BIN1: variants seen among roughly 807,000 people sequenced by gnomAD.
BIN1 encodes the protein myc box-dependent-interacting protein 1.
BIN1 carries 53 observed loss-of-function variants against 82.0 expected under a neutral mutation model. The observed-to-expected ratio is 0.65, with a 90% CI of 0.52 to 0.81. BIN1 has a LOEUF of 0.81. Among genes scored for constraint, BIN1 ranks in the 40% least tolerant of loss-of-function variants. BIN1 has a pLI of 0.00. For missense variants in BIN1, 642 were observed against 784.4 expected (o/e 0.82, Z 2.17); for synonymous variants, 302 against 328.0 (o/e 0.92, Z 0.86).
chr2:127,095,572 A>C (rs568052338), intron 1 of BIN1, among the ~76,000 whole-genome samples: 35 of 152,282 alleles, frequency 2.3e-4, no homozygotes, highest in African/African-American at 7.9e-4. Flanking sequence ...GAAGACAATG[A>C]AGACATCTGC....
intron 2 of BIN1, among the ~76,000 whole-genome samples, chr2:127,073,605 C>T (rs911589768): frequency 3.3e-5 from 5 of 152,164 alleles, no homozygotes; most frequent in African/African-American, 1.2e-4. Context: ...GGGGCAGGGA[C>T]GGCCCTCCTA....
chr2:127,094,064 C>T (rs1443179675), intron 1 of BIN1, among the ~76,000 whole-genome samples: 2 of 152,182 alleles, frequency 1.3e-5, no homozygotes, highest in African/African-American at 4.8e-5. Flanking sequence ...TCAGGGTCCT[C>T]GTGTGTGAAA....
intron 12 of BIN1, chr2:127,055,148 A>C (rs1683480770): frequency 6.6e-6 from 1 of 152,302 alleles, no homozygotes; most frequent in East Asian, 1.9e-4. Context: ...CACACTCTTG[A>C]CAGGCACCGG....
intron 2 of BIN1, among the ~76,000 whole-genome samples, chr2:127,073,060 G>A (rs1426644629): frequency 6.6e-6 from 1 of 152,204 alleles, no homozygotes; most frequent in Non-Finnish European, 1.5e-5. Flanking sequence ...GGGGTGGGTC[G>A]TTGTGCTCCC....
intron 1 of BIN1, among the ~76,000 whole-genome samples, chr2:127,101,735 A>C (rs936355853): frequency 2.0e-5 from 3 of 152,212 alleles, no homozygotes; most frequent in African/African-American, 4.8e-5. Context: ...TTATGGTGGG[A>C]GTAGTCAAGA....
intron 10 of BIN1, chr2:127,060,558 G>C (rs371027869): frequency 4.3e-6 from 7 of 1,613,526 alleles, no homozygotes; most frequent in South Asian, 3.3e-5. Context: ...GCCAGGGCGC[G>C]GGCCTCTGCG....
At position 127,106,925 on chromosome 2, in the gene BIN1, T is replaced by G; in HGVS notation, c.19A>C (p.Lys7Gln). 6.2e-7 allele frequency: 1 copy of G among 1,612,400 alleles called. No individual in the cohort carries two copies. Among genetic ancestry groups the G allele is most frequent in the Non-Finnish European group, 8.5e-7 (1 of 1,179,508 alleles). Reference protein sequence around the residue: MAEMGSKGVTAGKIASN... With the variant: MAEMGSQGVTAGKIASN... ...GCGATCTTTCCCGCCGTCACCCCTTTACTGCCCATCTCTGCCATCGCGGCG... is the reference window on the plus strand; with the variant it reads ...GCGATCTTTCCCGCCGTCACCCCTTGACTGCCCATCTCTGCCATCGCGGCG... The change falls in exon 1 of 19, where the codon AAA (lysine) becomes CAA (glutamine). Residue 7 changes from lysine (K) to glutamine (Q), a missense_variant. Physicochemically the swap from Lys to Gln is moderately conservative, Grantham distance 53. Transcript: ENST00000316724.
At chr2:127,070,966 C>T (rs1048158632) in intron 2 of BIN1, 150 bp from the exon 3 acceptor site, 34 of 750,524 alleles carry the variant, frequency 4.5e-5, no homozygotes, top group Non-Finnish European at 5.9e-5. Context: ...ACAGCAGCTA[C>T]GGTCACCACC....
chr2:127,089,867 G>T (rs1163505961), intron 1 of BIN1, among the ~76,000 whole-genome samples: 1 of 152,090 alleles, frequency 6.6e-6, no homozygotes, highest in East Asian at 1.9e-4. Context: ...TAAAGGTGAA[G>T]TATGATCATG....
intron 11 of BIN1, among the ~76,000 whole-genome samples, chr2:127,058,402 C>T (rs761586329): frequency 3.3e-4 from 50 of 152,150 alleles, no homozygotes; most frequent in Non-Finnish European, 2.1e-4. Flanking sequence ...GCAGGATCCC[C>T]GGCTATGAGA....
chr2:127,086,846 C>T (rs1271188502), intron 1 of BIN1, among the ~76,000 whole-genome samples: 6 of 143,266 alleles, frequency 4.2e-5, no homozygotes, highest in Non-Finnish European at 7.7e-5. Context: ...CCCCAGGAAG[C>T]GCCTGGCCTC....
intron 14 of BIN1, 125 bp downstream of exon 14, chr2:127,053,297 T>C (rs1683200613): frequency 7.3e-7 from 1 of 1,375,950 alleles, no homozygotes; most frequent in Non-Finnish European, 1.0e-6. Context: ...CGTGCCTGTG[T>C]GTCCTGCGTG....
intron 7 of BIN1, among the ~76,000 whole-genome samples, chr2:127,066,892 G>C (rs1685209175): frequency 6.6e-6 from 1 of 152,102 alleles, no homozygotes; most frequent in Non-Finnish European, 1.5e-5. Context: ...GCAACATAAT[G>C]AGGCACAGTC....
intron 2 of BIN1, among the ~76,000 whole-genome samples, chr2:127,072,842 T>C (rs1234521190): frequency 6.6e-6 from 1 of 152,108 alleles, no homozygotes; most frequent in Admixed American, 6.5e-5. Context: ...AGGGTCCACC[T>C]CACTCCTGAC....
chr2:127,097,505 T>C (rs1179726191), intron 1 of BIN1, among the ~76,000 whole-genome samples: 2 of 152,058 alleles, frequency 1.3e-5, no homozygotes, highest in African/African-American at 4.8e-5. Context: ...AGGTACAGGA[T>C]GTTTTCCACC....
Position 127,068,865 on chromosome 2 carries a change from G to A in BIN1, c.519+59C>T, listed in dbSNP as rs1258762661. ...GGAAGCCTCCACCCTCGGGGTCCTA[G>A]ACACCCGCCCTCTCTCAGCCCCCTG... On this transcript the variant is annotated intron_variant, in intron 6 of 18. Coordinates refer to ENST00000316724, the MANE Select transcript of BIN1 (RefSeq NM_139343.3). This position sits in a 1 kb window ranked among gnomAD's most constrained non-coding sequence, Gnocchi z 4.9. The A allele has an allele frequency of 6.6e-7, 1 of 1,520,396 alleles. No homozygotes were observed. Among genetic ancestry groups the A allele is most frequent in the Non-Finnish European group, 9.1e-7 (1 of 1,096,946 alleles). 94.2% of individuals were successfully genotyped at this position (1,520,396 alleles called of 1,614,324 possible).
In BIN1 at chr2:127,068,336, T is replaced by C; in HGVS notation, c.520-81A>G. On this transcript the variant is annotated intron_variant, in intron 6 of 18. Coordinates refer to ENST00000316724, the MANE Select transcript of BIN1 (RefSeq NM_139343.3). The surrounding 1 kb of genome is among the most constrained non-coding windows in gnomAD (Gnocchi z 4.9). The stretch of plus-strand genomic sequence containing the variant: ...GAGAAACAGAGACACACAGATTAAA[T>C]GCAGGTCCACACGCCCCACGCGCGG... 1 of 1,228,358 alleles carries C rather than the reference T, an allele frequency of 8.1e-7. No homozygotes were observed. The highest frequency in any genetic ancestry group is 1.3e-5 in the South Asian group (1 of 78,946). The allele number at this position is 1,228,358 out of a possible 1,614,324, so 76.1% of individuals were successfully genotyped here.
intron 1 of BIN1, among the ~76,000 whole-genome samples, chr2:127,097,926 T>G (rs1455447168): frequency 1.3e-5 from 2 of 152,180 alleles, no homozygotes; most frequent in East Asian, 3.9e-4. Flanking sequence ...TCCTTTGCCC[T>G]CTGAACTTGG....
intron 10 of BIN1, chr2:127,060,752 A>T: frequency 7.2e-7 from 1 of 1,390,756 alleles, no homozygotes; most frequent in Non-Finnish European, 1.0e-6. Context: ...ACAAAGGGGC[A>T]AAAGCCTCTC....
Sources: gnomAD v4.1 joint callset for allele counts (sites outside exome capture counted in the v4.1 genomes callset) on GRCh38, gnomAD v4.1.1 for gene constraint, Gnocchi (gnomAD v3.1) non-coding constraint, MANE v1.5 for transcripts, NCBI Gene and HGNC (gene_info 2026-07-23, HGNC 2026-07-21) for gene names.